The following KMT2A variants were observed in gnomAD, a reference collection of about 807,000 sequenced individuals.
KMT2A encodes the protein histone-lysine N-methyltransferase 2A.
In KMT2A, 16 loss-of-function variants were observed where a neutral mutation model predicts 345.3. The observed-to-expected ratio is 0.05, with a 90% confidence interval of 0.03 to 0.07. The LOEUF is 0.07. Among genes scored for constraint, KMT2A ranks in the 10% least tolerant of loss-of-function variants. KMT2A has a pLI of 1.00. For missense variants in KMT2A, 3,272 were observed against 4,841.6 expected (o/e 0.68, Z 9.62); for synonymous variants, 1,599 against 1,778.6 (o/e 0.90, Z 2.54).
rs1555047070 is a variant in KMT2A at position 118,504,113 on chromosome 11, A to G, written c.8221A>G (p.Ser2741Gly). 3.1e-6 allele frequency: 5 copies of G among 1,614,090 alleles called. No homozygotes were observed. In the African/African-American group the frequency reaches 5.3e-5, roughly 17 times the overall value. ...TGTCACAGCCACAACAAGGAAAAGC[A>G]GCCAGATTCCAAAAAGAAATGGTAA... The part of the protein sequence containing the change: ...TSVTATTRKS[S>G]QIPKRNGKEN... The change falls in exon 27 of 36, where the codon AGC becomes GGC. Residue 2741 changes from serine to glycine, a missense_variant. By Grantham distance (56) the Ser-to-Gly change is moderately conservative. Transcript: ENST00000534358. This position sits in a 1 kb window ranked among gnomAD's most constrained non-coding sequence, Gnocchi z 6.4.
Position 118,436,680 on chromosome 11 carries a change from C to T in KMT2A, c.168C>T (p.Ser56=), listed in dbSNP as rs1477514152. The T allele has an allele frequency of 7.1e-6, 9 of 1,260,250 alleles. No homozygotes were observed. Among genetic ancestry groups the T allele is most frequent in the Admixed American group, 8.1e-5 (2 of 24,740 alleles). The allele number at this position is 1,260,250 out of a possible 1,614,324, so 78.1% of individuals were successfully genotyped here. A position where few individuals can be genotyped will look rare whatever the true frequency, so the allele number is the denominator to read the frequency against. The change falls in exon 1 of 36, where the codon TCC becomes TCT. Residue 56 remains serine, a synonymous_variant. Transcript: ENST00000534358. The surrounding 1 kb of genome is among the most constrained non-coding windows in gnomAD (Gnocchi z 6.9). ...GTGGCGGCCCCGGGGCGCCCCCCTC[C>T]CCCCCGGCTGTGGCGGCCGCGGCGG... ...VGGGGPGAPP[S]PPAVAAAAAA...
chr11:118,521,125 G>T lies in KMT2A; in HGVS notation c.11514-163G>T. On this transcript the variant is annotated intron_variant, in intron 34 of 35. Coordinates refer to ENST00000534358, the MANE Select transcript of KMT2A (RefSeq NM_001197104.2). The surrounding 1 kb of genome is among the most constrained non-coding windows in gnomAD (Gnocchi z 5.3). ...CAGAATGGAAATAACTTTCATCTTT[G>T]GCCATGTGTTAGATGGCCAAATCAA... 1 of 732,558 alleles carries T rather than the reference G, an allele frequency of 1.4e-6. No individual in the cohort carries two copies. The highest frequency in any genetic ancestry group is 2.3e-6 in the Non-Finnish European group (1 of 437,196). 45.4% of individuals were successfully genotyped at this position (732,558 alleles called of 1,614,324 possible).
intron 6 of KMT2A, among the ~76,000 whole-genome samples, chr11:118,480,970 A>G (rs1261281048): frequency 6.6e-6 from 1 of 152,150 alleles, no homozygotes; most frequent in Non-Finnish European, 1.5e-5. Flanking sequence ...GCACCTGGCC[A>G]GCAGGTGTAT....
At chr11:118,482,133 A>G (rs1272308885) in intron 7 of KMT2A, 41 bp downstream of exon 7, 10 of 1,551,286 alleles carry the variant, frequency 6.4e-6, no homozygotes, top group Non-Finnish European at 8.7e-6. Context: ...AACCACAAGT[A>G]CTAACAAAAA....
In KMT2A at chr11:118,491,683, C is replaced by G. The variant is rs1950326482; in HGVS notation, c.4820-61C>G. ...ATAGTAAGTTCAGTGGAATAGTTTC[C>G]TCTTCTTCCTCTCTCTCATTCTTCA... On this transcript the variant is annotated intron_variant, in intron 14 of 35. Coordinates refer to ENST00000534358, the MANE Select transcript of KMT2A (RefSeq NM_001197104.2). This position sits in a 1 kb window ranked among gnomAD's most constrained non-coding sequence, Gnocchi z 4.2. 7.6e-7 allele frequency: 1 copy of G among 1,312,228 alleles called. No individual in the cohort carries two copies. Among genetic ancestry groups the G allele is most frequent in the Admixed American group, 2.3e-5 (1 of 44,080 alleles). The allele number at this position is 1,312,228 out of a possible 1,614,324, so 81.3% of individuals were successfully genotyped here. A position where few individuals can be genotyped will look rare whatever the true frequency, so the allele number is the denominator to read the frequency against.
intron 10 of KMT2A, among the ~76,000 whole-genome samples, chr11:118,485,456 G>C (rs574655269): frequency 1.3e-5 from 2 of 151,826 alleles, no homozygotes; most frequent in Non-Finnish European, 2.9e-5. Context: ...TGAAGGGAGG[G>C]TGTCTGTTTT....
intron 2 of KMT2A, among the ~76,000 whole-genome samples, chr11:118,469,362 T>A (rs1949904964): frequency 6.6e-6 from 1 of 151,936 alleles, no homozygotes; most frequent in South Asian, 2.1e-4. Flanking sequence ...TTGGCCATTA[T>A]TTTTTTTGGA....
rs185742655 is a variant in KMT2A at position 118,450,210 on chromosome 11, T to C, written c.432+13266T>C. 1.2e-4 allele frequency: 18 copies of C among 151,350 alleles called. No individual in the cohort carries two copies. The East Asian group carries it at 2.9e-3, about 24-fold the overall frequency. 9.4% of individuals were successfully genotyped at this position (151,350 alleles called of 1,614,324 possible). Reference sequence around the variant, plus strand: ...TCTGGAAATACACCTTTCTTGAGTTTTTGGTTTTTTTTTTTAAAGATTCTG... The same window carrying C: ...TCTGGAAATACACCTTTCTTGAGTTCTTGGTTTTTTTTTTTAAAGATTCTG... On this transcript the variant is annotated intron_variant, in intron 1 of 35. Transcript: ENST00000534358.
chr11:118,463,084 A>C (rs899726514), intron 1 of KMT2A, among the ~76,000 whole-genome samples: 11 of 152,164 alleles, frequency 7.2e-5, no homozygotes, highest in Non-Finnish European at 1.5e-4. Flanking sequence ...TAGGTTGTTA[A>C]TAATGAACCT....
Position 118,482,551 on chromosome 11 carries a change from G to C in KMT2A, c.4086+56G>C. 6 of 1,298,540 alleles carry C rather than the reference G, an allele frequency of 4.6e-6. No individual in the cohort carries two copies. The East Asian group carries it at 1.4e-4, about 30-fold the overall frequency. 80.4% of individuals were successfully genotyped at this position (1,298,540 alleles called of 1,614,324 possible). On this transcript the variant is annotated intron_variant, in intron 8 of 35. Coordinates refer to ENST00000534358, the MANE Select transcript of KMT2A (RefSeq NM_001197104.2). ...TCAGGGATGTATTCTATTTTGTAGG[G>C]AAAAGCCTTATCCTTGACTTCTATG...
rs369519117 is a variant in KMT2A at position 118,521,030 on chromosome 11, T to C, written c.11513+145T>C. ...TATTGACCCTCATATCCTGGGATCC[T>C]GCACCTCCTTGTGTTGAACAAGGAC... On this transcript the variant is annotated intron_variant, in intron 34 of 35. Coordinates refer to ENST00000534358, the MANE Select transcript of KMT2A (RefSeq NM_001197104.2). This position sits in a 1 kb window ranked among gnomAD's most constrained non-coding sequence, Gnocchi z 5.3. The C allele has an allele frequency of 1.5e-6, 1 of 680,560 alleles. No homozygotes were observed. Among genetic ancestry groups the C allele is most frequent in the Non-Finnish European group, 2.6e-6 (1 of 384,864 alleles). 42.2% of individuals were successfully genotyped at this position (680,560 alleles called of 1,614,324 possible). A position where few individuals can be genotyped will look rare whatever the true frequency, so the allele number is the denominator to read the frequency against.
chr11:118,499,510 G>A (rs1358884274), intron 23 of KMT2A, 90 bp downstream of exon 23: 3 of 878,856 alleles, frequency 3.4e-6, no homozygotes, highest in Non-Finnish European at 5.8e-6. Context: ...TCAGCCAGGT[G>A]TGGTGTCTCA....
chr11:118,498,929 A>G lies in KMT2A; in HGVS notation c.5962-374A>G, dbSNP rs1017129296. On this transcript the variant is annotated intron_variant, in intron 22 of 35. Transcript: ENST00000534358. The surrounding 1 kb of genome is among the most constrained non-coding windows in gnomAD (Gnocchi z 4.4). ...CTGGGCAACCACTGATGTTTTTACT[A>G]TCTCCATAGTCTTGCCATTTGCAGA... 6.6e-6 allele frequency among the ~76,000 whole-genome samples: 1 copy of G among 152,186 alleles called. No individual in the cohort carries two copies. Among genetic ancestry groups the G allele is most frequent in the African/African-American group, 2.4e-5 (1 of 41,438 alleles).
intron 31 of KMT2A, among the ~76,000 whole-genome samples, chr11:118,514,509 C>T (rs1168897330): frequency 6.6e-6 from 1 of 151,824 alleles, no homozygotes; most frequent in African/African-American, 2.4e-5. Context: ...GGCGTGATCT[C>T]GGCTCACTGC....
At chr11:118,449,707 G>C (rs1198053546) in intron 1 of KMT2A, 2 of 152,012 alleles carry the variant, frequency 1.3e-5, no homozygotes, top group Non-Finnish European at 2.9e-5. Context: ...TCAGCAAACT[G>C]ACTTTATGGA....
Position 118,502,671 on chromosome 11 carries a change from G to A in KMT2A, c.6779G>A (p.Gly2260Glu). 6.2e-6 allele frequency: 10 copies of A among 1,614,058 alleles called. No homozygotes were observed. Among genetic ancestry groups the A allele is most frequent in the Non-Finnish European group, 7.6e-6 (9 of 1,180,024 alleles). The change falls in exon 27 of 36, where the codon GGG (glycine) becomes GAG (glutamate). Residue 2260 changes from glycine to glutamate, a missense_variant. Gly to Glu is a moderately conservative substitution (Grantham distance 98). Coordinates refer to ENST00000534358, the MANE Select transcript of KMT2A (RefSeq NM_001197104.2). This position sits in a 1 kb window ranked among gnomAD's most constrained non-coding sequence, Gnocchi z 4.9. ...LGPLNSSTSLGQNTSTSSNLQ... is the reference protein window; with the variant it reads ...LGPLNSSTSLEQNTSTSSNLQ... Reference sequence around the variant, plus strand: ...CCACTGAATTCAAGTACTAGTTTAGGGCAAAACACTTCCACCTCTTCAAAT... The same window carrying A: ...CCACTGAATTCAAGTACTAGTTTAGAGCAAAACACTTCCACCTCTTCAAAT...
rs1252880547 is a variant in KMT2A at position 118,520,600 on chromosome 11, G to A, written c.11430-202G>A. 22 of 561,424 alleles carry A rather than the reference G, an allele frequency of 3.9e-5. No individual in the cohort carries two copies. The highest frequency in any genetic ancestry group is 6.8e-5 in the Non-Finnish European group (21 of 310,048). 34.8% of individuals were successfully genotyped at this position (561,424 alleles called of 1,614,324 possible). On this transcript the variant is annotated intron_variant, in intron 33 of 35. Coordinates refer to ENST00000534358, the MANE Select transcript of KMT2A (RefSeq NM_001197104.2). This position sits in a 1 kb window ranked among gnomAD's most constrained non-coding sequence, Gnocchi z 4.3. Reference sequence around the variant, plus strand: ...CAGGAGGCGGAGGTTACAGTGAGCCGAGATCGCACCACTGGACTCCAGCCT... The same window carrying A: ...CAGGAGGCGGAGGTTACAGTGAGCCAAGATCGCACCACTGGACTCCAGCCT...
rs1455587806 is a variant in KMT2A at position 118,523,358 on chromosome 11, T to TA, written c.*1187dup. ...CCACAACTTGGGGACTAGACCACCTTATGTTGAGGGAACTCTGCCACCTGC... is the reference window on the plus strand; with the variant it reads ...CCACAACTTGGGGACTAGACCACCTTAATGTTGAGGGAACTCTGCCACCTGC... On this transcript the variant is annotated 3_prime_UTR_variant, in exon 36 of 36. Transcript: ENST00000534358. The TA allele has an allele frequency of 8.7e-6, 2 of 228,976 alleles. No individual in the cohort carries two copies. Among genetic ancestry groups the TA allele is most frequent in the African/African-American group, 4.4e-5 (2 of 45,032 alleles). The allele number at this position is 228,976 out of a possible 1,614,324, so 14.2% of individuals were successfully genotyped here. A position where few individuals can be genotyped will look rare whatever the true frequency, so the allele number is the denominator to read the frequency against.
At position 118,494,077 on chromosome 11, in the gene KMT2A, A is replaced by C. The variant is rs78558747; in HGVS notation, c.5179-211A>C. On this transcript the variant is annotated intron_variant, in intron 16 of 35. Transcript: ENST00000534358. The surrounding 1 kb of genome is among the most constrained non-coding windows in gnomAD (Gnocchi z 5.8). ...ATCATGATACAGCCAATTTGTTTGC[A>C]TTCTTACCTCATTAGCCTGGCATCT... 1.3e-5 allele frequency among the ~76,000 whole-genome samples: 2 copies of C among 152,196 alleles called. No individual in the cohort carries two copies. Among genetic ancestry groups the C allele is most frequent in the Non-Finnish European group, 2.9e-5 (2 of 68,024 alleles).
Sources: gnomAD v4.1 joint callset for allele counts (sites outside exome capture counted in the v4.1 genomes callset) on GRCh38, gnomAD v4.1.1 for gene constraint, Gnocchi (gnomAD v3.1) non-coding constraint, MANE v1.5 for transcripts, NCBI Gene and HGNC (gene_info 2026-07-23, HGNC 2026-07-21) for gene names.